Variants in GRIA2 observed in about 807,000 individuals in gnomAD.
GRIA2 encodes glutamate receptor 2.
In GRIA2, 14 loss-of-function variants were observed where a neutral mutation model predicts 97.3. The observed-to-expected ratio is 0.14, with a 90% CI of 0.10 to 0.23. GRIA2 has a LOEUF of 0.23. Among genes scored for constraint, GRIA2 ranks in the 10% least tolerant of loss-of-function variants. GRIA2 has a pLI of 1.00. For missense variants in GRIA2, 558 were observed against 1,069.8 expected (o/e 0.52, Z 6.67); for synonymous variants, 412 against 387.8 (o/e 1.06, Z -0.73).
chr4:157,301,792 T>G (rs1284166822), intron 2 of GRIA2, among the ~76,000 whole-genome samples: 3 of 152,128 alleles, frequency 2.0e-5, no homozygotes, highest in African/African-American at 7.2e-5. Context: ...TGTTCTAGGT[T>G]GTTAGATTGT....
chr4:157,312,026 A>G (rs1019335927), intron 3 of GRIA2, among the ~76,000 whole-genome samples: 5 of 152,104 alleles, frequency 3.3e-5, no homozygotes. Context: ...AATCTATGCT[A>G]GAGAAATAAC....
intron 6 of GRIA2, among the ~76,000 whole-genome samples, chr4:157,332,328 C>T (rs1230337647): frequency 1.3e-5 from 2 of 151,968 alleles, no homozygotes; most frequent in Non-Finnish European, 2.9e-5. Context: ...TAAGTAGACA[C>T]CCCTAAAACC....
At chr4:157,338,243 TAAG>T (rs1735392994) in intron 11 of GRIA2, among the ~76,000 whole-genome samples, 1 of 151,698 alleles carries the variant, frequency 6.6e-6, no homozygotes, top group Non-Finnish European at 1.5e-5. Flanking sequence ...CTCCCTTTGG[TAAG>T]AAGAACAATG....
intron 2 of GRIA2, among the ~76,000 whole-genome samples, chr4:157,249,219 G>C (rs200532829): frequency 6.6e-6 from 1 of 152,110 alleles, no homozygotes; most frequent in African/African-American, 2.4e-5. Flanking sequence ...AATCTAAGAA[G>C]AAACTTTATG....
intron 3 of GRIA2, among the ~76,000 whole-genome samples, chr4:157,312,428 G>A (rs763825780): frequency 6.6e-6 from 1 of 151,972 alleles, no homozygotes. Flanking sequence ...TGAAAGAAAA[G>A]GATATTATTT....
At chr4:157,296,246 T>C (rs1444420054) in intron 2 of GRIA2, among the ~76,000 whole-genome samples, 2 of 152,274 alleles carry the variant, frequency 1.3e-5, no homozygotes, top group South Asian at 2.1e-4. Context: ...ATTTCATAGG[T>C]AATTTTAAAC....
intron 2 of GRIA2, 47 bp from the exon 3 acceptor site, chr4:157,303,505 G>A: frequency 6.4e-7 from 1 of 1,569,056 alleles, no homozygotes; most frequent in Non-Finnish European, 8.8e-7. Flanking sequence ...ATATGATTGT[G>A]TGCCAATTTC....
At chr4:157,234,390 C>T (rs969085840) in intron 2 of GRIA2, among the ~76,000 whole-genome samples, 1 of 151,998 alleles carries the variant, frequency 6.6e-6, no homozygotes, top group African/African-American at 2.4e-5. Context: ...TAGGATTTTA[C>T]TTTATTATCA....
chr4:157,307,378 T>C (rs1222792464), intron 3 of GRIA2, among the ~76,000 whole-genome samples: 1 of 152,190 alleles, frequency 6.6e-6, no homozygotes, highest in African/African-American at 2.4e-5. Context: ...TAGCAGCATC[T>C]TTGTATGGAA....
chr4:157,220,986 A>G lies in GRIA2; in HGVS notation c.-57A>G. 1 of 854,078 alleles carries G rather than the reference A, an allele frequency of 1.2e-6. No homozygotes were observed. Among genetic ancestry groups the G allele is most frequent in the South Asian group, 1.4e-5 (1 of 73,782 alleles). The allele number at this position is 854,078 out of a possible 1,614,324, so 52.9% of individuals were successfully genotyped here. A position where few individuals can be genotyped will look rare whatever the true frequency, so the allele number is the denominator to read the frequency against. ...GCAGAGGAAAACAGCCAAAGAAGGA[A>G]GAGGAGGAAAAGGAAAAAAAAAGGG... is the stretch of plus-strand genomic sequence containing the variant. On this transcript the variant is annotated 5_prime_UTR_variant, in exon 1 of 16. Coordinates refer to ENST00000264426, the MANE Select transcript of GRIA2 (RefSeq NM_001083619.3).
At chr4:157,222,246 G>A (rs979317685) in intron 2 of GRIA2, among the ~76,000 whole-genome samples, 5 of 152,134 alleles carry the variant, frequency 3.3e-5, no homozygotes, top group Non-Finnish European at 1.5e-5. Context: ...GGGACTGCCG[G>A]AGCCCAGTGG....
At chr4:157,281,208 C>G (rs985115078) in intron 2 of GRIA2, among the ~76,000 whole-genome samples, 4 of 152,252 alleles carry the variant, frequency 2.6e-5, no homozygotes. Flanking sequence ...CTACTGAAAT[C>G]TGTCCATTGT....
At chr4:157,262,084 A>G (rs920995520) in intron 2 of GRIA2, among the ~76,000 whole-genome samples, 1 of 152,084 alleles carries the variant, frequency 6.6e-6, no homozygotes, top group African/African-American at 2.4e-5. Context: ...TAATTTTTTA[A>G]TGACCAAAAT....
chr4:157,246,118 C>T (rs1259019867), intron 2 of GRIA2, among the ~76,000 whole-genome samples: 3 of 152,016 alleles, frequency 2.0e-5, no homozygotes, highest in African/African-American at 7.2e-5. Flanking sequence ...TGAATACATT[C>T]CAGTATTACG....
intron 12 of GRIA2, among the ~76,000 whole-genome samples, chr4:157,351,595 A>T (rs1281626680): frequency 6.6e-6 from 1 of 152,212 alleles, no homozygotes; most frequent in African/African-American, 2.4e-5. Context: ...TTAACATGTG[A>T]TATGGCTAGC....
intron 10 of GRIA2, 107 bp downstream of exon 10, chr4:157,335,984 C>T (rs750244496): frequency 3.7e-5 from 28 of 756,258 alleles, no homozygotes; most frequent in Non-Finnish European, 5.6e-5. Flanking sequence ...TGATTTCCCA[C>T]ATTACTCTAG....
At chr4:157,284,133 A>G (rs1017721434) in intron 2 of GRIA2, among the ~76,000 whole-genome samples, 1 of 151,926 alleles carries the variant, frequency 6.6e-6, no homozygotes, top group African/African-American at 2.4e-5. Flanking sequence ...AAGAAACTTA[A>G]TGAGATGCAA....
At chr4:157,333,705 T>G (rs963107184) in intron 8 of GRIA2, among the ~76,000 whole-genome samples, 1 of 152,028 alleles carries the variant, frequency 6.6e-6, no homozygotes, top group Non-Finnish European at 1.5e-5. Context: ...AACATCAACC[T>G]TTTAGCTGTT....
chr4:157,226,884 G>T (rs1325777352), intron 2 of GRIA2, among the ~76,000 whole-genome samples: 1 of 152,100 alleles, frequency 6.6e-6, no homozygotes, highest in African/African-American at 2.4e-5. Flanking sequence ...AGCTGGTGTT[G>T]TAAATATTCA....
Sources: allele counts gnomAD v4.1 joint callset (sites outside exome capture counted in the v4.1 genomes callset), GRCh38; gene constraint gnomAD v4.1.1; transcripts MANE v1.5; gene names NCBI Gene and HGNC (gene_info 2026-07-23, HGNC 2026-07-21).